BMPR1B: variants seen among roughly 807,000 people sequenced by gnomAD.
BMPR1B encodes the protein bone morphogenetic protein receptor type-1B.
In BMPR1B, 12 loss-of-function variants were observed where a neutral mutation model predicts 59.1. The observed-to-expected ratio is 0.20, with a 90% CI of 0.13 to 0.33. The LOEUF (loss-of-function observed/expected upper bound fraction) is 0.33, where lower values mean the gene tolerates loss of function less well. Among genes scored for constraint, BMPR1B ranks in the 10% least tolerant of loss-of-function variants. The pLI, the probability that BMPR1B is intolerant of heterozygous loss-of-function variation, is 1.00. For missense variants in BMPR1B, 550 were observed against 610.9 expected (o/e 0.90, Z 1.05); for synonymous variants, 237 against 207.3 (o/e 1.14, Z -1.23).
chr4:95,104,813 A>C (rs1008300751), intron 4 of BMPR1B, among the ~76,000 whole-genome samples: 2 of 152,066 alleles, frequency 1.3e-5, no homozygotes, highest in Admixed American at 6.6e-5. Context: ...CTCAGATCCC[A>C]GGCTCCTGGT....
chr4:94,841,336 C>T (rs1457791299), intron 1 of BMPR1B, among the ~76,000 whole-genome samples: 1 of 148,720 alleles, frequency 6.7e-6, no homozygotes, highest in Non-Finnish European at 1.5e-5. Context: ...CAAGCCTGGG[C>T]AATGGCGGGC....
intron 1 of BMPR1B, among the ~76,000 whole-genome samples, chr4:94,870,426 A>T (rs1393232160): frequency 6.6e-6 from 1 of 151,958 alleles, no homozygotes; most frequent in Non-Finnish European, 1.5e-5. Flanking sequence ...GAACATCTTT[A>T]CTTGGTTATG....
intron 2 of BMPR1B, among the ~76,000 whole-genome samples, chr4:94,887,412 A>AAC (rs1272593893): frequency 2.0e-5 from 3 of 149,830 alleles, no homozygotes; most frequent in African/African-American, 4.9e-5. Flanking sequence ...CCAAAAAAAA[A>AAC]AAAAAAAAAA....
intron 2 of BMPR1B, among the ~76,000 whole-genome samples, chr4:94,985,018 G>T (rs1721311864): frequency 6.6e-6 from 1 of 152,152 alleles, no homozygotes; most frequent in Non-Finnish European, 1.5e-5. Flanking sequence ...ACAGAGGTAT[G>T]GAAAGTCTAC....
At chr4:95,091,934 C>G (rs1257811971) in intron 3 of BMPR1B, among the ~76,000 whole-genome samples, 1 of 151,790 alleles carries the variant, frequency 6.6e-6, no homozygotes, top group South Asian at 2.1e-4. Context: ...GCGTGTTTGC[C>G]CCTACACATT....
At chr4:95,102,869 A>C (rs905606890) in intron 3 of BMPR1B, among the ~76,000 whole-genome samples, 1 of 151,974 alleles carries the variant, frequency 6.6e-6, no homozygotes, top group Non-Finnish European at 1.5e-5. Context: ...TCTACAAGTA[A>C]TTTGTTTCAG....
intron 3 of BMPR1B, among the ~76,000 whole-genome samples, chr4:95,061,531 C>T (rs1221070767): frequency 1.3e-5 from 2 of 151,844 alleles, no homozygotes; most frequent in African/African-American, 4.8e-5. Context: ...CAACCTAAAA[C>T]AAAAAAGCAC....
intron 3 of BMPR1B, among the ~76,000 whole-genome samples, chr4:95,049,682 A>G (rs1726320810): frequency 6.6e-6 from 1 of 151,664 alleles, no homozygotes; most frequent in South Asian, 2.1e-4. Flanking sequence ...ATTGCTGTAT[A>G]AGTTCAATTC....
At chr4:95,142,836 C>A (rs1734346880) in intron 10 of BMPR1B, among the ~76,000 whole-genome samples, 1 of 146,006 alleles carries the variant, frequency 6.8e-6, no homozygotes, top group Non-Finnish European at 1.5e-5. Flanking sequence ...TTTAACATAA[C>A]ACTTTTAGCC....
chr4:94,877,780 A>C (rs1578751926), intron 2 of BMPR1B, among the ~76,000 whole-genome samples: 1 of 152,154 alleles, frequency 6.6e-6, no homozygotes, highest in East Asian at 1.9e-4. Flanking sequence ...ATACATTGAG[A>C]TACATTTTAT....
At chr4:95,097,735 A>G (rs566013750) in intron 3 of BMPR1B, among the ~76,000 whole-genome samples, 7 of 152,078 alleles carry the variant, frequency 4.6e-5, no homozygotes, top group African/African-American at 1.7e-4. Flanking sequence ...ACAGGGTCTC[A>G]CCATGTTGGC....
At chr4:94,892,098 T>C (rs1318170078) in intron 2 of BMPR1B, among the ~76,000 whole-genome samples, 1 of 152,062 alleles carries the variant, frequency 6.6e-6, no homozygotes, top group Non-Finnish European at 1.5e-5. Flanking sequence ...TCGTAATTGC[T>C]CGTAGTTTTT....
At chr4:94,762,792 A>G (rs1465818831) in intron 1 of BMPR1B, among the ~76,000 whole-genome samples, 1 of 151,746 alleles carries the variant, frequency 6.6e-6, no homozygotes, top group Non-Finnish European at 1.5e-5. Context: ...TGGAACCTTG[A>G]GAGATTGATC....
intron 3 of BMPR1B, among the ~76,000 whole-genome samples, chr4:95,095,827 C>G (rs908931807): frequency 6.6e-6 from 1 of 151,916 alleles, no homozygotes. Flanking sequence ...TTTTGATACC[C>G]TTTTGACTAT....
In BMPR1B at chr4:95,087,062, TGGCACAATTTCCACTCACTTCAGC is replaced by T. The variant is rs1183245927; in HGVS notation, c.-17-17321_-17-17298del. Among the ~76,000 whole-genome samples, 532 of 135,694 alleles carry T rather than the reference TGGCACAATTTCCACTCACTTCAGC, an allele frequency of 3.9e-3. 3 individuals carry two copies. Among genetic ancestry groups the T allele is most frequent in the Middle Eastern group, 0.014 (3 of 210 alleles). The allele number at this position is 135,694 out of a possible 152,430, so 89.0% of individuals were successfully genotyped here. A position where few individuals can be genotyped will look rare whatever the true frequency, so the allele number is the denominator to read the frequency against. ...CTCTGTCACCCAGGCTGGAGTGCAG[TGGCACAATTTCCACTCACTTCAGC>T]GGCACAATTTCCACTCACTTCAGCC... On this transcript the variant is annotated intron_variant, in intron 3 of 12. Coordinates refer to ENST00000515059, the MANE Select transcript of BMPR1B (RefSeq NM_001203.3).
At chr4:94,876,833 AC>A (rs1263404159) in intron 2 of BMPR1B, among the ~76,000 whole-genome samples, 3 of 152,092 alleles carry the variant, frequency 2.0e-5, no homozygotes, top group Non-Finnish European at 4.4e-5. Context: ...GTTTGACTTT[AC>A]TCCAGTGAAC....
chr4:95,025,590 G>C (rs2149143531), intron 3 of BMPR1B, among the ~76,000 whole-genome samples: 1 of 152,284 alleles, frequency 6.6e-6, no homozygotes, highest in South Asian at 2.1e-4. Flanking sequence ...CACATGAATT[G>C]TTTCATAGTC....
intron 1 of BMPR1B, among the ~76,000 whole-genome samples, chr4:94,803,866 CA>C (rs1325670002): frequency 1.4e-4 from 10 of 72,560 alleles, no homozygotes; most frequent in African/African-American, 4.7e-4. Context: ...AGAAAAAAAA[CA>C]CATTATTTTA....
intron 2 of BMPR1B, among the ~76,000 whole-genome samples, chr4:94,975,011 C>T (rs1025739257): frequency 6.6e-6 from 1 of 152,170 alleles, no homozygotes; most frequent in Non-Finnish European, 1.5e-5. Flanking sequence ...GCCAGGAAAC[C>T]ACTTCACTAA....
Sources: gnomAD v4.1 joint callset for allele counts (sites outside exome capture counted in the v4.1 genomes callset) on GRCh38, gnomAD v4.1.1 for gene constraint, MANE v1.5 for transcripts, NCBI Gene and HGNC (gene_info 2026-07-23, HGNC 2026-07-21) for gene names.